TNKS: variants seen among roughly 807,000 people sequenced by gnomAD.
The protein encoded by TNKS is tankyrase, also known as poly [ADP-ribose] polymerase tankyrase-1.
In TNKS, 72 loss-of-function variants were observed where a neutral mutation model predicts 135.8. The ratio of observed to expected loss-of-function variants is 0.53; its 90% CI spans 0.44 to 0.64. The LOEUF is 0.64. Among genes scored for constraint, TNKS ranks in the 30% least tolerant of loss-of-function variants. TNKS has a pLI of 0.00. For missense variants in TNKS, 1,769 were observed against 1,674.0 expected (o/e 1.06, Z -0.99); for synonymous variants, 849 against 649.3 (o/e 1.31, Z -4.68).
Position 9,762,070 on chromosome 8 carries a change from C to G in TNKS, c.3274+434C>G, listed in dbSNP as rs1286201310. On this transcript the variant is annotated intron_variant, in intron 21 of 26. Transcript: ENST00000310430. Reference sequence around the variant, plus strand: ...TTGCTTAAACCCCTGTAATAGAATCCTGTTTCTTTTAGGATAGAATCAAAC... The same window carrying G: ...TTGCTTAAACCCCTGTAATAGAATCGTGTTTCTTTTAGGATAGAATCAAAC... Among the ~76,000 whole-genome samples, 5 of 152,280 alleles carry G rather than the reference C, an allele frequency of 3.3e-5. No homozygotes were observed. The South Asian group carries it at 1.0e-3, about 32-fold the overall frequency.
chr8:9,698,178 C>G (rs983187650), intron 5 of TNKS, among the ~76,000 whole-genome samples: 1 of 152,046 alleles, frequency 6.6e-6, no homozygotes, highest in African/African-American at 2.4e-5. Flanking sequence ...CATGTTCTCA[C>G]TTATAAGTGG....
At chr8:9,758,589 G>A (rs1220266553) in intron 20 of TNKS, among the ~76,000 whole-genome samples, 1 of 152,128 alleles carries the variant, frequency 6.6e-6, no homozygotes, top group African/African-American at 2.4e-5. Flanking sequence ...ATCTAAGCAT[G>A]GCTTAGTTGG....
At chr8:9,594,178 C>G (rs780756023) in intron 2 of TNKS, among the ~76,000 whole-genome samples, 1 of 152,172 alleles carries the variant, frequency 6.6e-6, no homozygotes, top group African/African-American at 2.4e-5. Context: ...TGAGCCACTG[C>G]GCCCGGCTAT....
chr8:9,632,812 C>T (rs1800345409), intron 3 of TNKS, among the ~76,000 whole-genome samples: 1 of 152,182 alleles, frequency 6.6e-6, no homozygotes, highest in South Asian at 2.1e-4. Context: ...TCGCTGCAAG[C>T]TCCGCCTCCC....
At chr8:9,644,182 G>C (rs1162809678) in intron 3 of TNKS, among the ~76,000 whole-genome samples, 1 of 152,154 alleles carries the variant, frequency 6.6e-6, no homozygotes, top group African/African-American at 2.4e-5. Context: ...AGAGTGCTGT[G>C]AATGGATCTT....
At chr8:9,668,819 A>G (rs1802128276) in intron 3 of TNKS, among the ~76,000 whole-genome samples, 1 of 152,218 alleles carries the variant, frequency 6.6e-6, no homozygotes, top group Non-Finnish European at 1.5e-5. Flanking sequence ...TTGAGAAGGT[A>G]AGGTGGAATA....
At chr8:9,599,954 C>G (rs1242320690) in intron 2 of TNKS, among the ~76,000 whole-genome samples, 1 of 152,298 alleles carries the variant, frequency 6.6e-6, no homozygotes, top group East Asian at 1.9e-4. Context: ...TAGAAGACCT[C>G]TCCCATGTAA....
intron 2 of TNKS, among the ~76,000 whole-genome samples, chr8:9,598,058 G>A (rs1204774146): frequency 6.6e-6 from 1 of 152,006 alleles, no homozygotes; most frequent in East Asian, 1.9e-4. Flanking sequence ...CAGAATGTTG[G>A]CATTTCAGTC....
intron 3 of TNKS, among the ~76,000 whole-genome samples, chr8:9,635,371 G>T (rs1800471443): frequency 1.3e-5 from 2 of 152,264 alleles, no homozygotes; most frequent in South Asian, 4.1e-4. Flanking sequence ...TGAACGAATG[G>T]GGAGGGACAC....
chr8:9,622,041 A>C (rs1450167919), intron 3 of TNKS, among the ~76,000 whole-genome samples: 1 of 152,214 alleles, frequency 6.6e-6, no homozygotes, highest in Non-Finnish European at 1.5e-5. Flanking sequence ...GAATAGTTTA[A>C]TCTTGTATAA....
At chr8:9,695,350 ACTT>A (rs1803463945) in intron 5 of TNKS, among the ~76,000 whole-genome samples, 1 of 152,128 alleles carries the variant, frequency 6.6e-6, no homozygotes, top group African/African-American at 2.4e-5. Flanking sequence ...TTTGTTACTG[ACTT>A]AATTTTTTCA....
chr8:9,732,067 C>T (rs887644829), intron 14 of TNKS, among the ~76,000 whole-genome samples: 2 of 152,172 alleles, frequency 1.3e-5, no homozygotes, highest in African/African-American at 4.8e-5. Flanking sequence ...GGATTACAGG[C>T]GTGAGCCACT....
intron 1 of TNKS, among the ~76,000 whole-genome samples, chr8:9,579,243 A>C (rs1015957923): frequency 1.3e-5 from 2 of 152,190 alleles, no homozygotes; most frequent in African/African-American, 4.8e-5. Flanking sequence ...AGTGAATCCA[A>C]GCTTGAATTG....
intron 1 of TNKS, chr8:9,558,745 C>A (rs373748609): frequency 6.6e-6 from 1 of 152,142 alleles, no homozygotes; most frequent in South Asian, 2.1e-4. Context: ...GTAGTTATGA[C>A]AAGCTAACCT....
chr8:9,729,200 A>G (rs1805302437), intron 13 of TNKS, among the ~76,000 whole-genome samples: 1 of 152,310 alleles, frequency 6.6e-6, no homozygotes. Context: ...GCCCACATTC[A>G]GGAGGGAAGA....
At chr8:9,735,705 C>A (rs1805667870) in intron 17 of TNKS, among the ~76,000 whole-genome samples, 1 of 151,956 alleles carries the variant, frequency 6.6e-6, no homozygotes, top group Non-Finnish European at 1.5e-5. Context: ...GAGGCTGAGG[C>A]AGGAGAATGG....
intron 3 of TNKS, among the ~76,000 whole-genome samples, chr8:9,634,643 G>C (rs1490226949): frequency 6.6e-6 from 1 of 152,138 alleles, no homozygotes; most frequent in African/African-American, 2.4e-5. Context: ...GAAACTTGTG[G>C]ATTTGGATTG....
intron 2 of TNKS, among the ~76,000 whole-genome samples, chr8:9,589,078 T>C (rs1291254830): frequency 6.6e-6 from 1 of 152,186 alleles, no homozygotes; most frequent in Non-Finnish European, 1.5e-5. Flanking sequence ...AAAACGGGAT[T>C]ATTTCCCTGC....
chr8:9,598,635 G>C (rs566781998), intron 2 of TNKS, among the ~76,000 whole-genome samples: 1 of 151,046 alleles, frequency 6.6e-6, no homozygotes, highest in East Asian at 2.0e-4. Context: ...TGCGGAGGTT[G>C]CAGTGAGCTG....
Sources: gnomAD v4.1 joint callset for allele counts (sites outside exome capture counted in the v4.1 genomes callset) on GRCh38, gnomAD v4.1.1 for gene constraint, MANE v1.5 for transcripts, NCBI Gene and HGNC (gene_info 2026-07-23, HGNC 2026-07-21) for gene names.